Variants in TIAM1 observed in about 807,000 individuals in gnomAD.
TIAM1 encodes rho guanine nucleotide exchange factor TIAM1.
A neutral mutation model predicts 163.5 loss-of-function variants in TIAM1; 65 were observed. The ratio of observed to expected loss-of-function variants is 0.40; its 90% CI spans 0.33 to 0.49. The LOEUF (loss-of-function observed/expected upper bound fraction) is 0.49, where lower values mean the gene tolerates loss of function less well. Ranked by LOEUF, TIAM1 falls within the 20% of genes least tolerant of loss-of-function variation. The probability of loss-of-function intolerance (pLI) is 0.77; values close to 1 mark genes in which losing one functional copy is unlikely to be tolerated. For missense variants in TIAM1, 1,789 were observed against 2,044.7 expected (o/e 0.87, Z 2.41); for synonymous variants, 833 against 810.1 (o/e 1.03, Z -0.48).
chr21:31,457,486 T>C (rs1447478676), intron 2 of TIAM1, among the ~76,000 whole-genome samples: 2 of 152,150 alleles, frequency 1.3e-5, no homozygotes, highest in Non-Finnish European at 2.9e-5. Context: ...CACTTCAATA[T>C]ATTAGTGAAG....
chr21:31,284,450 AG>A (rs992805167), intron 2 of TIAM1, among the ~76,000 whole-genome samples: 3 of 152,134 alleles, frequency 2.0e-5, no homozygotes, highest in Non-Finnish European at 2.9e-5. Context: ...GACACACAGC[AG>A]GGGGGGTGGA....
chr21:31,153,207 G>C (rs1200196086), intron 17 of TIAM1, 73 bp from the exon 18 acceptor site: 6 of 1,260,524 alleles, frequency 4.8e-6, no homozygotes, highest in Non-Finnish European at 5.6e-6. Context: ...AAAGTATAAA[G>C]CATATGTTAA....
Position 31,148,676 on chromosome 21 carries a change from T to C in TIAM1, c.3367-1673A>G, listed in dbSNP as rs566669836. 5.3e-5 allele frequency among the ~76,000 whole-genome samples: 8 copies of C among 152,308 alleles called. No individual in the cohort carries two copies. In the East Asian group the frequency reaches 1.5e-3, roughly 29 times the overall value. ...TTATTTACCCTACCATAACCACAGA[T>C]GAAACACTAAGGTATTCACTTATTC... On this transcript the variant is annotated intron_variant, in intron 19 of 27. Transcript: ENST00000541036.
intron 2 of TIAM1, among the ~76,000 whole-genome samples, chr21:31,375,350 A>G (rs1373692471): frequency 6.6e-6 from 1 of 152,260 alleles, no homozygotes; most frequent in East Asian, 1.9e-4. Flanking sequence ...GCATTTGTGC[A>G]TGAATATGTA....
intron 1 of TIAM1, among the ~76,000 whole-genome samples, chr21:31,472,232 A>G (rs1449695834): frequency 1.3e-5 from 2 of 152,132 alleles, no homozygotes; most frequent in African/African-American, 4.8e-5. Flanking sequence ...CAAAGTTATC[A>G]GAATAGTGTC....
chr21:31,373,439 T>A (rs1431052919), intron 2 of TIAM1, among the ~76,000 whole-genome samples: 1 of 152,118 alleles, frequency 6.6e-6, no homozygotes, highest in Non-Finnish European at 1.5e-5. Context: ...GAAAGGCACT[T>A]CTTTCGTGGT....
intron 10 of TIAM1, among the ~76,000 whole-genome samples, chr21:31,210,594 G>GAAAGAGAGAA (rs745349921): frequency 8.5e-5 from 8 of 94,652 alleles, no homozygotes; most frequent in African/African-American, 5.0e-4. Context: ...AAGAAAGAAA[G>GAAAGAGAGAA]AGAGAAAGAA....
chr21:31,338,766 G>A lies in TIAM1; in HGVS notation c.-189+477C>T, dbSNP rs551922837. ...TGCAATAAAGACGTCCAGTTTCACC[G>A]CAGCAGGGAGGCCGCATGAAATATT... On this transcript the variant is annotated intron_variant, in intron 2 of 27. Coordinates refer to ENST00000541036, the MANE Select transcript of TIAM1 (RefSeq NM_001353694.2). 3.9e-5 allele frequency among the ~76,000 whole-genome samples: 6 copies of A among 152,106 alleles called. No individual in the cohort carries two copies. In the South Asian group the frequency reaches 6.2e-4, roughly 16 times the overall value.
chr21:31,216,021 A>G (rs539276274), intron 9 of TIAM1, among the ~76,000 whole-genome samples: 1 of 152,070 alleles, frequency 6.6e-6, no homozygotes, highest in Non-Finnish European at 1.5e-5. Flanking sequence ...ATAATAAGCT[A>G]TTAGCTGCAC....
chr21:31,126,920 C>T lies in TIAM1; in HGVS notation c.4133+145G>A, dbSNP rs185602811. 1.3e-3 allele frequency: 963 copies of T among 722,112 alleles called. 4 individuals are homozygous for T. The African/African-American group carries it at 0.015, about 11-fold the overall frequency. 44.7% of individuals were successfully genotyped at this position (722,112 alleles called of 1,614,324 possible). A position where few individuals can be genotyped will look rare whatever the true frequency, so the allele number is the denominator to read the frequency against. ...TAACACCTTCACAAGCTGTCAGCTC[C>T]TCCCAGCTGACTCTCCATTTACTGC... On this transcript the variant is annotated intron_variant, in intron 26 of 27. Coordinates refer to ENST00000541036, the MANE Select transcript of TIAM1 (RefSeq NM_001353694.2).
chr21:31,530,355 G>A lies in TIAM1; in HGVS notation c.-422+28572C>T, dbSNP rs142250418. Among the ~76,000 whole-genome samples, 726 of 152,268 alleles carry A rather than the reference G, an allele frequency of 4.8e-3. 2 individuals are homozygous for A. Among genetic ancestry groups the A allele is most frequent in the South Asian group, 0.011 (52 of 4,828 alleles). On this transcript the variant is annotated intron_variant, in intron 1 of 28. Transcript: ENST00000286827. ...CTGAGACATTCAGCAACTTGGCCAA[G>A]AGGCCTGAACACTGTCCAGAGGCCT... is the stretch of plus-strand genomic sequence containing the variant.
chr21:31,134,970 C>T (rs909548692), intron 23 of TIAM1, among the ~76,000 whole-genome samples: 7 of 151,976 alleles, frequency 4.6e-5, no homozygotes, highest in Non-Finnish European at 7.4e-5. Flanking sequence ...TAGGACATTC[C>T]ATTTGGGGAT....
upstream of TIAM1, among the ~76,000 whole-genome samples, chr21:31,348,659 T>C (rs946001527): frequency 1.6e-4 from 24 of 152,134 alleles, no homozygotes; most frequent in African/African-American, 5.5e-4. Context: ...TATGGATCCA[T>C]CCCACACACT....
chr21:31,558,018 G>A (rs1346302981), intron 1 of TIAM1, among the ~76,000 whole-genome samples: 1 of 152,140 alleles, frequency 6.6e-6, no homozygotes, highest in African/African-American at 2.4e-5. Context: ...CGGGGGGAGG[G>A]GGCGTCACCT....
chr21:31,556,310 C>G (rs2048876872), intron 1 of TIAM1, among the ~76,000 whole-genome samples: 1 of 152,172 alleles, frequency 6.6e-6, no homozygotes, highest in South Asian at 2.1e-4. Context: ...TAGGGGTTCA[C>G]GGGAGTCAGA....
intron 1 of TIAM1, among the ~76,000 whole-genome samples, chr21:31,556,971 C>T (rs2048902116): frequency 6.6e-6 from 1 of 152,228 alleles, no homozygotes; most frequent in African/African-American, 2.4e-5. Flanking sequence ...AGTGTTCCCT[C>T]CTAACCTCCA....
At chr21:31,367,838 T>C (rs1382123700) in intron 2 of TIAM1, among the ~76,000 whole-genome samples, 2 of 152,222 alleles carry the variant, frequency 1.3e-5, no homozygotes, top group African/African-American at 4.8e-5. Flanking sequence ...TTATAATATT[T>C]TAACTTCAAA....
intron 1 of TIAM1, among the ~76,000 whole-genome samples, chr21:31,472,930 C>G (rs1213607531): frequency 6.6e-6 from 1 of 152,204 alleles, no homozygotes; most frequent in Admixed American, 6.5e-5. Context: ...TTGATCTGAT[C>G]TGCTGCAAGT....
intron 2 of TIAM1, among the ~76,000 whole-genome samples, chr21:31,318,192 G>A (rs1212737498): frequency 6.6e-6 from 1 of 152,176 alleles, no homozygotes; most frequent in African/African-American, 2.4e-5. Flanking sequence ...CTGCCTCCCA[G>A]GCTCAAGTGA....
Sources: gnomAD v4.1 joint callset for allele counts (sites outside exome capture counted in the v4.1 genomes callset) on GRCh38, gnomAD v4.1.1 for gene constraint, MANE v1.5 for transcripts, NCBI Gene and HGNC (gene_info 2026-07-23, HGNC 2026-07-21) for gene names.